The following GARIN1A variants were observed in gnomAD, a reference collection of about 807,000 sequenced individuals.
The protein encoded by GARIN1A is golgi associated RAB2 interactor 1A.
At chr7:128,676,584 T>C in the GARIN1A span, among the ~76,000 whole-genome samples, 7 of 152,024 alleles carry the variant, frequency 4.6e-5, no homozygotes, top group Admixed American at 1.3e-4. Flanking sequence ...TATTAGACAT[T>C]TAGAAATGTT....
the GARIN1A span, chr7:128,691,632 TC>T: frequency 6.6e-6 from 1 of 152,278 alleles, no homozygotes; most frequent in Non-Finnish European, 1.5e-5. Context: ...GGACCTCTGG[TC>T]GTCCCCACTG....
At chr7:128,707,146 A>G in the GARIN1A span, among the ~76,000 whole-genome samples, 149,857 of 151,986 alleles carry the variant, frequency 0.99, 73,900 homozygotes, top group Middle Eastern at 1. Flanking sequence ...CCTTACTACC[A>G]TCAAGGCCAT....
the GARIN1A span, among the ~76,000 whole-genome samples, chr7:128,678,681 A>G: frequency 1.3e-5 from 2 of 151,882 alleles, no homozygotes; most frequent in African/African-American, 4.8e-5. Context: ...GCAGGCCCCT[A>G]TAATACTACT....
the GARIN1A span, chr7:128,672,415 C>T: frequency 1.9e-6 from 3 of 1,608,436 alleles, no homozygotes; most frequent in Non-Finnish European, 2.5e-6. Context: ...AAATCAGGGG[C>T]CTCCCACCTG....
chr7:128,682,999 G>A, the GARIN1A span: 11 of 1,609,046 alleles, frequency 6.8e-6, no homozygotes, highest in Middle Eastern at 6.6e-4. Flanking sequence ...GACAACTGCA[G>A]CAGCTACAAG....
the GARIN1A span, chr7:128,672,411 G>A: frequency 1.2e-6 from 2 of 1,608,092 alleles, no homozygotes; most frequent in African/African-American, 2.7e-5. Flanking sequence ...AGTAAAATCA[G>A]GGGCCTCCCA....
the GARIN1A span, among the ~76,000 whole-genome samples, chr7:128,706,063 A>C: frequency 6.6e-6 from 1 of 152,062 alleles, no homozygotes; most frequent in Non-Finnish European, 1.5e-5. Context: ...AGTATGACTC[A>C]TAGGTTCCAA....
chr7:128,704,777 C>T, the GARIN1A span, among the ~76,000 whole-genome samples: 3 of 152,182 alleles, frequency 2.0e-5, no homozygotes, highest in East Asian at 1.9e-4. Flanking sequence ...CACTCACTGC[C>T]GGCCACTCAC....
chr7:128,675,785 CA>C, the GARIN1A span: 1 of 1,613,686 alleles, frequency 6.2e-7, no homozygotes, highest in Non-Finnish European at 8.5e-7. Context: ...TCCTGATGGC[CA>C]ATGTTACCTG....
the GARIN1A span, among the ~76,000 whole-genome samples, chr7:128,689,324 C>G: frequency 6.6e-6 from 1 of 151,928 alleles, no homozygotes; most frequent in African/African-American, 2.4e-5. Flanking sequence ...AGGAGCACCT[C>G]TTACCGGCCG....
At chr7:128,673,396 C>T in the GARIN1A span, among the ~76,000 whole-genome samples, 1 of 152,124 alleles carries the variant, frequency 6.6e-6, no homozygotes, top group Non-Finnish European at 1.5e-5. Context: ...TGGACTTTGG[C>T]AGTTGAAGAA....
the GARIN1A span, among the ~76,000 whole-genome samples, chr7:128,698,005 G>A: frequency 2.0e-5 from 3 of 152,128 alleles, no homozygotes; most frequent in African/African-American, 4.8e-5. Context: ...GAATGAAGTC[G>A]TGCACAAGCA....
At chr7:128,685,055 C>T in the GARIN1A span, 1 of 152,150 alleles carries the variant, frequency 6.6e-6, no homozygotes, top group Non-Finnish European at 1.5e-5. Flanking sequence ...GTGTGAACCA[C>T]CAGTCCGGCT....
At chr7:128,674,304 T>C in the GARIN1A span, among the ~76,000 whole-genome samples, 41,075 of 152,086 alleles carry the variant, frequency 0.27, 5,909 homozygotes, top group East Asian at 0.54. Flanking sequence ...AAAAAATTTT[T>C]GATAGAGACA....
the GARIN1A span, chr7:128,687,281 C>T: frequency 1.3e-5 from 2 of 152,298 alleles, no homozygotes; most frequent in South Asian, 4.1e-4. Flanking sequence ...TCTGTCATAA[C>T]AGATGCCATT....
At chr7:128,682,572 TG>T in the GARIN1A span, among the ~76,000 whole-genome samples, 1 of 152,112 alleles carries the variant, frequency 6.6e-6, no homozygotes, top group African/African-American at 2.4e-5. Flanking sequence ...GAAAGTGAGT[TG>T]GTTTTTTTTG....
At chr7:128,682,019 T>C in the GARIN1A span, among the ~76,000 whole-genome samples, 4 of 151,982 alleles carry the variant, frequency 2.6e-5, no homozygotes, top group East Asian at 7.7e-4. Context: ...CTCTCTCTCA[T>C]ACAGTCCACA....
At chr7:128,705,335 T>A in the GARIN1A span, among the ~76,000 whole-genome samples, 1 of 152,188 alleles carries the variant, frequency 6.6e-6, no homozygotes, top group Non-Finnish European at 1.5e-5. Context: ...AGGCTTTACC[T>A]TTTCAGGTGG....
chr7:128,672,648 G>GGAA, the GARIN1A span: 1 of 709,210 alleles, frequency 1.4e-6, no homozygotes, highest in Non-Finnish European at 2.2e-6. Flanking sequence ...AGCCCTGGGG[G>GGAA]AGGGGGGGGC....
Sources: allele counts gnomAD v4.1 joint callset (sites outside exome capture counted in the v4.1 genomes callset), GRCh38; gene constraint gnomAD v4.1.1; transcripts MANE v1.5; gene names NCBI Gene and HGNC (gene_info 2026-07-23, HGNC 2026-07-21).